Variants in LTBP4 observed in about 807,000 individuals in gnomAD.
The protein encoded by LTBP4 is latent transforming growth factor beta binding protein 4.
In LTBP4, 93 loss-of-function variants were observed where a neutral mutation model predicts 180.2. The observed-to-expected ratio is 0.52, with a 90% CI of 0.44 to 0.61. The LOEUF (loss-of-function observed/expected upper bound fraction) is 0.61. Among genes scored for constraint, LTBP4 ranks in the 20% least tolerant of loss-of-function variants. The pLI is 0.00. For missense variants in LTBP4, 2,116 were observed against 2,256.5 expected (o/e 0.94, Z 1.26); for synonymous variants, 947 against 934.5 (o/e 1.01, Z -0.24).
rs1347880493 is a variant in LTBP4 at position 40,608,295 on chromosome 19, C to A, written c.1232C>A (p.Pro411His). ...TCCGACCTCCGCTACAACACCAGAC[C>A]CCTGGGCCAGGAGCCACCCCGAGTG... ...SASDLRYNTR[P>H]LGQEPPRVSL... The change falls in exon 8 of 30, where the codon CCC becomes CAC. Residue 411 changes from proline (P) to histidine (H), a missense_variant. Pro to His is a moderately conservative substitution (Grantham distance 77). This residue lies in a region of LTBP4 where 877 missense variants were observed against 873.6 expected (regional missense o/e 1.00). Transcript: ENST00000396819. 8 of 1,613,880 alleles carry A rather than the reference C, an allele frequency of 5.0e-6. No homozygotes were observed. Among genetic ancestry groups the A allele is most frequent in the Non-Finnish European group, 6.8e-6 (8 of 1,179,864 alleles).
chr19:40,627,798 G>T lies in LTBP4; in HGVS notation c.4460G>T (p.Gly1487Val), dbSNP rs755340528. 6 of 1,568,760 alleles carry T rather than the reference G, an allele frequency of 3.8e-6. No homozygotes were observed. In the African/African-American group the frequency reaches 5.4e-5, roughly 14 times the overall value. Reference sequence around the variant, plus strand: ...GGCCGCTGCGTGCGCGTCCCCGAAGGCTTCACCTGCCGTTGCTTCGACGGC... The same window carrying T: ...GGCCGCTGCGTGCGCGTCCCCGAAGTCTTCACCTGCCGTTGCTTCGACGGC... ...TNGRCVRVPE[G>V]FTCRCFDGYR... is the part of the protein sequence containing the mutation. Residue 1487 changes from glycine (G) to valine (V), a missense_variant, in exon 29 of 30, where the codon GGC (glycine) becomes GTC (valine). By Grantham distance (109) the Gly-to-Val change is moderately radical. This residue lies in a region of LTBP4 where 488 missense variants were observed against 458.8 expected (regional missense o/e 1.06). Coordinates refer to ENST00000396819, the MANE Select transcript of LTBP4 (RefSeq NM_001042545.2).
At chr19:40,600,620 A>G (rs373848533), upstream of LTBP4, among the ~76,000 whole-genome samples, 25 of 152,016 alleles carry the variant, frequency 1.6e-4, no homozygotes, top group East Asian at 1.5e-3. This position sits in a 1 kb window ranked among gnomAD's most constrained non-coding sequence, Gnocchi z 4.4. Flanking sequence ...CTTGACCCCT[A>G]GTCTAGAACA....
rs780311816 is a variant in LTBP4, at chr19:40,613,910, C to G, written c.2558-6C>G. On this transcript the variant is annotated splice_region_variant and splice_polypyrimidine_tract_variant and intron_variant, in intron 17 of 29. Coordinates refer to ENST00000396819, the MANE Select transcript of LTBP4 (RefSeq NM_001042545.2). The surrounding 1 kb of genome is among the most constrained non-coding windows in gnomAD (Gnocchi z 5.0). The stretch of plus-strand genomic sequence containing the variant: ...GGGCCGGGCCTTCGGACGCCCTGTC[C>G]CGCAGACGTTGACGAGTGCAGCGAG... 5 of 1,613,428 alleles carry G rather than the reference C, an allele frequency of 3.1e-6. No individual in the cohort carries two copies. In the African/African-American group the frequency reaches 5.3e-5, roughly 17 times the overall value.
chr19:40,614,100 C>T, intron 18 of LTBP4, 62 bp downstream of exon 18: 1 of 1,595,942 alleles, frequency 6.3e-7, no homozygotes, highest in Non-Finnish European at 8.5e-7. Flanking sequence ...GCCGATTGGC[C>T]TCCCACCTCT....
At chr19:40,624,122 C>A (rs1361968071) in intron 26 of LTBP4, 40 bp downstream of exon 26, 4 of 1,484,550 alleles carry the variant, frequency 2.7e-6, no homozygotes, top group Non-Finnish European at 3.6e-6. Context: ...CTTCCCTTGG[C>A]TCGGCCTCAC....
upstream of LTBP4, chr19:40,599,287 GGC>G: frequency 6.2e-7 from 1 of 1,613,814 alleles, no homozygotes; most frequent in Non-Finnish European, 8.5e-7. Flanking sequence ...ATGAGTAGGG[GGC>G]AAAAGGGAAT....
chr19:40,601,598 C>G lies in LTBP4; in HGVS notation c.211C>G (p.Pro71Ala). The G allele has an allele frequency of 7.1e-7, 1 of 1,407,392 alleles. No individual in the cohort carries two copies. Among genetic ancestry groups the G allele is most frequent in the South Asian group, 1.5e-5 (1 of 64,780 alleles). 87.2% of individuals were successfully genotyped at this position (1,407,392 alleles called of 1,614,324 possible). ...CGCCACCAGCGTGGACAGCGGCGCTCCCGGCGGGGCGGCCCCGGGGGGACC... is the reference window on the plus strand; with the variant it reads ...CGCCACCAGCGTGGACAGCGGCGCTGCCGGCGGGGCGGCCCCGGGGGGACC... ...RNATSVDSGA[P>A]GGAAPGGPGF... The change falls in exon 1 of 30, where the codon CCC (proline) becomes GCC (alanine). Residue 71 changes from proline to alanine, a missense_variant. This residue lies in a region of LTBP4 where 469 missense variants were observed against 532.5 expected (regional missense o/e 0.88). Coordinates refer to ENST00000396819, the MANE Select transcript of LTBP4 (RefSeq NM_001042545.2).
chr19:40,617,642 T>TGAAAAAA (rs1395937407), intron 21 of LTBP4, among the ~76,000 whole-genome samples: 1 of 77,800 alleles, frequency 1.3e-5, no homozygotes, highest in African/African-American at 6.8e-5. Flanking sequence ...AGACCCTGTC[T>TGAAAAAA]CAAAAAAAAA....
chr19:40,607,250 C>T (rs1236989910), intron 6 of LTBP4, 115 bp from the exon 7 acceptor site: 2 of 844,534 alleles, frequency 2.4e-6, no homozygotes, highest in Non-Finnish European at 3.7e-6. Context: ...AAATGCCCCT[C>T]GCACCCACCA....
At chr19:40,599,562 T>A, upstream of LTBP4, 1 of 1,605,224 alleles carries the variant, frequency 6.2e-7, no homozygotes, top group Middle Eastern at 1.7e-4. Context: ...CTGACGTGAG[T>A]GGGCAGTCCC....
At chr19:40,617,056 A>G (rs1568410171) in intron 20 of LTBP4, 36 bp downstream of exon 20, 1 of 1,613,242 alleles carries the variant, frequency 6.2e-7, no homozygotes, top group East Asian at 2.2e-5. Context: ...AGATGTGGAG[A>G]TGGTAGAAGG....
At chr19:40,619,276 C>T in intron 21 of LTBP4, 71 bp from the exon 22 acceptor site, 1 of 1,506,064 alleles carries the variant, frequency 6.6e-7, no homozygotes, top group Non-Finnish European at 9.1e-7. Context: ...AAAGCTGAGA[C>T]TTTCGGACCT....
At chr19:40,604,384 A>C (rs2081443994) in intron 1 of LTBP4, among the ~76,000 whole-genome samples, 2 of 152,012 alleles carry the variant, frequency 1.3e-5, no homozygotes, top group South Asian at 4.1e-4. Flanking sequence ...GGGAGTGGTT[A>C]AAATGTGGTT....
rs1270977661 is a variant in LTBP4, at chr19:40,629,096, G to T, written c.4520-300G>T. Among the ~76,000 whole-genome samples, 1 of 152,028 alleles carries T rather than the reference G, an allele frequency of 6.6e-6. No homozygotes were observed. The highest frequency in any genetic ancestry group is 1.5e-5 in the Non-Finnish European group (1 of 67,990). ...AACTCCGGCCTCAAGTGATCCACCC[G>T]CCTCAGCCTCCCAAAGTGCTGAGAT... On this transcript the variant is annotated intron_variant, in intron 29 of 29. Coordinates refer to ENST00000396819, the MANE Select transcript of LTBP4 (RefSeq NM_001042545.2). The surrounding 1 kb of genome is among the most constrained non-coding windows in gnomAD (Gnocchi z 4.5).
intron 26 of LTBP4, among the ~76,000 whole-genome samples, chr19:40,624,508 C>T (rs1191981466): frequency 6.6e-6 from 1 of 152,192 alleles, no homozygotes; most frequent in African/African-American, 2.4e-5. Context: ...ATTCTCCTGC[C>T]TCAGGCTCCC....
chr19:40,612,106 C>T lies in LTBP4; in HGVS notation c.2213C>T (p.Pro738Leu). 1 of 1,613,724 alleles carries T rather than the reference C, an allele frequency of 6.2e-7. No individual in the cohort carries two copies. The highest frequency in any genetic ancestry group is 1.3e-5 in the African/African-American group (1 of 75,036). ...VDECENHLAC[P>L]GQECVNSPGS... ...GAGTGTGAGAACCACCTCGCATGCC[C>T]TGGGCAGGAGTGTGTGAACTCGCCC... The change falls in exon 15 of 30, where the codon CCT becomes CTT. Residue 738 changes from proline (P) to leucine (L), a missense_variant. Pro to Leu is a moderately conservative substitution (Grantham distance 98). Around this residue, in one of 5 missense-constraint regions of LTBP4, gnomAD observed 877 missense variants for 873.6 expected, o/e 1.00. Transcript: ENST00000396819.
Position 40,614,394 on chromosome 19 carries a change from T to C in LTBP4, c.2760T>C (p.Cys920=). ...RCENSPGSYR[C]VRDCDPGYHA... ...AGAACTCTCCCGGCTCCTACCGCTG[T>C]GTCCGGGACTGCGATCCTGGGTACC... The change falls in exon 19 of 30, where the codon TGT becomes TGC. Residue 920 remains cysteine (C), a synonymous_variant. Transcript: ENST00000396819. The C allele has an allele frequency of 2.5e-6, 4 of 1,600,254 alleles. No homozygotes were observed. The highest frequency in any genetic ancestry group is 1.6e-4 in the Middle Eastern group (1 of 6,062).
intron 12 of LTBP4, 64 bp downstream of exon 12, chr19:40,610,721 G>A (rs1419944698): frequency 6.6e-7 from 1 of 1,516,872 alleles, no homozygotes; most frequent in African/African-American, 1.4e-5. Context: ...CAGTGATGAG[G>A]GCCAGAGAGA....
chr19:40,629,621 T>C lies in LTBP4; in HGVS notation c.*71T>C, dbSNP rs2081664172. The C allele has an allele frequency of 7.6e-7, 1 of 1,307,390 alleles. No homozygotes were observed. The highest frequency in any genetic ancestry group is 9.7e-7 in the Non-Finnish European group (1 of 1,026,854). 81.0% of individuals were successfully genotyped at this position (1,307,390 alleles called of 1,614,324 possible). A position where few individuals can be genotyped will look rare whatever the true frequency, so the allele number is the denominator to read the frequency against. On this transcript the variant is annotated 3_prime_UTR_variant, in exon 30 of 30. Transcript: ENST00000396819. The surrounding 1 kb of genome is among the most constrained non-coding windows in gnomAD (Gnocchi z 4.5). Reference sequence around the variant, plus strand: ...CCCTGCCGCGCATCCTGCAGCCCGCTTATGCGTATGTGCACGGGGCCGCCC... The same window carrying C: ...CCCTGCCGCGCATCCTGCAGCCCGCCTATGCGTATGTGCACGGGGCCGCCC...
Sources: gnomAD v4.1 joint callset for allele counts (sites outside exome capture counted in the v4.1 genomes callset) on GRCh38, gnomAD v4.1.1 for gene constraint, gnomAD v4.1.1 regional missense constraint, Gnocchi (gnomAD v3.1) non-coding constraint, MANE v1.5 for transcripts, NCBI Gene and HGNC (gene_info 2026-07-23, HGNC 2026-07-21) for gene names.